Variants in CRTAC1 observed in about 807,000 individuals in gnomAD.
The protein encoded by CRTAC1 is cartilage acidic protein 1.
Under a neutral mutation model 67.8 loss-of-function variants are expected in CRTAC1, and 37 were observed. That is an observed-to-expected ratio of 0.55 (90% CI 0.42 to 0.72). CRTAC1 has a LOEUF of 0.72. Ranked by LOEUF, CRTAC1 falls within the 30% of genes least tolerant of loss-of-function variation. The pLI is 0.00. For missense variants in CRTAC1, 780 were observed against 931.6 expected, an observed-to-expected ratio of 0.84 and a Z score of 2.12; for synonymous variants, 348 against 371.0, an observed-to-expected ratio of 0.94 and a Z score of 0.71.
chr10:98,023,329 G>A (rs539437966), intron 1 of CRTAC1, among the ~76,000 whole-genome samples: 2 of 152,128 alleles, frequency 1.3e-5, no homozygotes, highest in African/African-American at 4.8e-5. Context: ...GATGGAAGGC[G>A]GGTTTGGAGA....
intron 8 of CRTAC1, among the ~76,000 whole-genome samples, chr10:97,898,711 A>G (rs2050494369): frequency 6.6e-6 from 1 of 152,086 alleles, no homozygotes; most frequent in Non-Finnish European, 1.5e-5. Context: ...GACTAGAGAC[A>G]AGGAGAGCAG....
intron 1 of CRTAC1, among the ~76,000 whole-genome samples, chr10:98,023,792 C>T (rs553218002): frequency 2.0e-5 from 3 of 152,254 alleles, no homozygotes; most frequent in South Asian, 2.1e-4. Context: ...TACATAGTGA[C>T]GCTCCCATGT....
At chr10:97,986,856 C>G (rs1048775956) in intron 2 of CRTAC1, among the ~76,000 whole-genome samples, 5 of 152,216 alleles carry the variant, frequency 3.3e-5, no homozygotes, top group African/African-American at 1.2e-4. Context: ...AGCGAGAGAT[C>G]TGCCCTCCTG....
Position 97,991,099 on chromosome 10 carries a change from C to CAAAAAAAAAAAAAAAA in CRTAC1, c.224+20023_224+20038dup, listed in dbSNP as rs757267901. On this transcript the variant is annotated intron_variant, in intron 2 of 14. Coordinates refer to ENST00000370597, the MANE Select transcript of CRTAC1 (RefSeq NM_018058.7). Reference sequence around the variant, plus strand: ...GGCAACATACGAGAAACCATCTCTACAAAAAAAAAAAAAAAAAAAAAAAAA... The same window carrying CAAAAAAAAAAAAAAAA: ...GGCAACATACGAGAAACCATCTCTACAAAAAAAAAAAAAAAAAAAAAAAAAAAAAAAAAAAAAAAAA... Among the ~76,000 whole-genome samples the CAAAAAAAAAAAAAAAA allele has an allele frequency of 5.6e-4, 10 of 17,978 alleles. 2 individuals are homozygous for CAAAAAAAAAAAAAAAA. Among genetic ancestry groups the CAAAAAAAAAAAAAAAA allele is most frequent in the African/African-American group, 9.4e-4 (5 of 5,338 alleles). 11.8% of individuals were successfully genotyped at this position (17,978 alleles called of 152,430 possible). A position where few individuals can be genotyped will look rare whatever the true frequency, so the allele number is the denominator to read the frequency against.
chr10:97,899,578 A>G (rs944534659), intron 8 of CRTAC1, among the ~76,000 whole-genome samples: 1 of 152,202 alleles, frequency 6.6e-6, no homozygotes. Context: ...CTAGCAATTG[A>G]TCTTCTGCAA....
chr10:97,988,589 A>C (rs2052023180), intron 2 of CRTAC1, among the ~76,000 whole-genome samples: 1 of 152,220 alleles, frequency 6.6e-6, no homozygotes, highest in South Asian at 2.1e-4. Context: ...GTGTGGCAGC[A>C]TGTGCCTGTA....
Position 97,950,264 on chromosome 10 carries a change from G to C in CRTAC1, c.225-13898C>G, listed in dbSNP as rs1376851917. 5.9e-5 allele frequency among the ~76,000 whole-genome samples: 9 copies of C among 151,656 alleles called. No individual in the cohort carries two copies. In the South Asian group the frequency reaches 1.7e-3, roughly 28 times the overall value. On this transcript the variant is annotated intron_variant, in intron 2 of 14. Coordinates refer to ENST00000370597, the MANE Select transcript of CRTAC1 (RefSeq NM_018058.7). ...ACACACACAGAGAGAGAGAGAGAGA[G>C]AGAGAGAGAGAGAGAGAGAGAGAGA...
chr10:98,007,495 A>G (rs1842815460), intron 2 of CRTAC1, among the ~76,000 whole-genome samples: 1 of 152,230 alleles, frequency 6.6e-6, no homozygotes, highest in Non-Finnish European at 1.5e-5. Context: ...AACAGCCACA[A>G]AGAAAGCCTG....
rs760107428 is a variant in CRTAC1, at chr10:97,904,774, C to T, written c.891G>A (p.Leu297=). The T allele has an allele frequency of 6.2e-7, 1 of 1,605,052 alleles. No individual in the cohort carries two copies. The change falls in exon 7 of 15, where the codon CTG becomes CTA. Residue 297 remains leucine, a synonymous_variant. Coordinates refer to ENST00000370597, the MANE Select transcript of CRTAC1 (RefSeq NM_018058.7). The stretch of plus-strand genomic sequence containing the variant: ...CTTTGCCATCACGGTTGAAGTCAGC[C>T]AGGGCGACACCTCGCCCATGCTGGT... ...DPHQHGRGVA[L]ADFNRDGKVD...
rs1016254140 is a variant in CRTAC1 at position 98,030,389 on chromosome 10, G to A, written c.24+60C>T. On this transcript the variant is annotated intron_variant, in intron 1 of 14. Coordinates refer to ENST00000370597, the MANE Select transcript of CRTAC1 (RefSeq NM_018058.7). The surrounding 1 kb of genome is among the most constrained non-coding windows in gnomAD (Gnocchi z 4.2). ...CCCTTGCGGGCGGATCCGGGGGGGC[G>A]CGCAGAGCTGGAGAAACTTTCTCCG... 104 of 1,081,790 alleles carry A rather than the reference G, an allele frequency of 9.6e-5. No individual in the cohort carries two copies. The highest frequency in any genetic ancestry group is 1.4e-4 in the South Asian group (3 of 21,236). The allele number at this position is 1,081,790 out of a possible 1,614,324, so 67.0% of individuals were successfully genotyped here. A position where few individuals can be genotyped will look rare whatever the true frequency, so the allele number is the denominator to read the frequency against.
chr10:97,921,334 T>G (rs576745249), intron 4 of CRTAC1, among the ~76,000 whole-genome samples: 268 of 152,284 alleles, frequency 1.8e-3, no homozygotes, highest in Non-Finnish European at 2.9e-3. Context: ...ATAATAAAGT[T>G]AGAAACTTGT....
Position 97,880,266 on chromosome 10 carries a change from T to C in CRTAC1, c.1802A>G (p.Asp601Gly), listed in dbSNP as rs201008602. The change falls in exon 14 of 15, where the codon GAT (aspartate) becomes GGT (glycine). Residue 601 changes from aspartate to glycine, a missense_variant. By Grantham distance (94) the Asp-to-Gly change is moderately conservative (BLOSUM62 -1). Transcript: ENST00000370597. Reference protein sequence around the residue: ...KCSRGYEPNEDGTACVGTLGQ... With the variant: ...KCSRGYEPNEGGTACVGTLGQ... ...CCACTCACCCACGCAGGCTGTGCCA[T>C]CCTCGTTGGGCTCGTAGCCCCGACT... 2.5e-6 allele frequency: 4 copies of C among 1,614,206 alleles called. No individual in the cohort carries two copies. In the East Asian group the frequency reaches 8.9e-5, roughly 36 times the overall value.
intron 2 of CRTAC1, among the ~76,000 whole-genome samples, chr10:97,990,283 C>T (rs1376349863): frequency 6.6e-6 from 1 of 152,172 alleles, no homozygotes. Context: ...ATAGAAAAGG[C>T]TTATAAATGC....
intron 2 of CRTAC1, among the ~76,000 whole-genome samples, chr10:97,965,614 G>T (rs888800669): frequency 8.9e-5 from 13 of 146,316 alleles, no homozygotes; most frequent in African/African-American, 2.0e-4. Flanking sequence ...TGGAGTTGTT[G>T]TTTTTTTTTT....
chr10:97,998,188 G>T (rs1842622707), intron 2 of CRTAC1, among the ~76,000 whole-genome samples: 1 of 152,136 alleles, frequency 6.6e-6, no homozygotes, highest in African/African-American at 2.4e-5. Flanking sequence ...GCTCAGGGTG[G>T]TTTCAAACTC....
Position 97,904,760 on chromosome 10 carries a change from C to T in CRTAC1, c.905G>A (p.Arg302His), listed in dbSNP as rs149424033. 2.3e-5 allele frequency: 37 copies of T among 1,606,840 alleles called. No homozygotes were observed. The highest frequency in any genetic ancestry group is 6.9e-5 in the Admixed American group (4 of 58,368). The change falls in exon 7 of 15, where the codon CGT becomes CAT. Residue 302 changes from arginine to histidine, a missense_variant. Coordinates refer to ENST00000370597, the MANE Select transcript of CRTAC1 (RefSeq NM_018058.7). ...GRGVALADFNRDGKVDIVYGN... is the reference protein window; with the variant it reads ...GRGVALADFNHDGKVDIVYGN... ...ATAGACGATGTCCACTTTGCCATCA[C>T]GGTTGAAGTCAGCCAGGGCGACACC...
At chr10:98,012,485 C>A (rs1221195929) in intron 1 of CRTAC1, among the ~76,000 whole-genome samples, 1 of 152,228 alleles carries the variant, frequency 6.6e-6, no homozygotes, top group Non-Finnish European at 1.5e-5. Context: ...TACTTTCCTG[C>A]CTTCAGAAGG....
intron 1 of CRTAC1, among the ~76,000 whole-genome samples, chr10:98,018,043 A>C (rs1843035397): frequency 6.6e-6 from 1 of 151,168 alleles, no homozygotes; most frequent in Non-Finnish European, 1.5e-5. Context: ...CTAAAAATAC[A>C]ACAAAATTAG....
At chr10:97,984,905 C>G (rs2136666739) in intron 2 of CRTAC1, among the ~76,000 whole-genome samples, 1 of 152,374 alleles carries the variant, frequency 6.6e-6, no homozygotes, top group South Asian at 2.1e-4. Flanking sequence ...CCAGAACCTT[C>G]TGACAGCCTA....
Sources: gnomAD v4.1 joint callset for allele counts (sites outside exome capture counted in the v4.1 genomes callset) on GRCh38, gnomAD v4.1.1 for gene constraint, Gnocchi (gnomAD v3.1) non-coding constraint, MANE v1.5 for transcripts, NCBI Gene and HGNC (gene_info 2026-07-23, HGNC 2026-07-21) for gene names.